Variants in PBX1 observed in about 807,000 individuals in gnomAD.
The protein encoded by PBX1 is pre-B-cell leukemia transcription factor 1.
A neutral mutation model predicts 53.4 loss-of-function variants in PBX1; 6 were observed. The observed-to-expected ratio is 0.11, with a 90% CI of 0.06 to 0.22. The LOEUF is 0.22. Ranked by LOEUF, PBX1 falls within the 10% of genes least tolerant of loss-of-function variation. PBX1 has a pLI of 1.00. For missense variants in PBX1, 251 were observed against 551.4 expected (o/e 0.46, Z 5.46); for synonymous variants, 204 against 212.3 (o/e 0.96, Z 0.34).
chr1:164,777,584 C>T (rs1667733571), intron 2 of PBX1, among the ~76,000 whole-genome samples: 1 of 152,202 alleles, frequency 6.6e-6, no homozygotes, highest in Non-Finnish European at 1.5e-5. Context: ...GCCACTGTCA[C>T]AGGACTACAG....
intron 2 of PBX1, among the ~76,000 whole-genome samples, chr1:164,602,107 T>A (rs184110625): frequency 1.3e-5 from 2 of 152,374 alleles, no homozygotes; most frequent in East Asian, 3.9e-4. Context: ...CCAGGACTCC[T>A]GTGTTTTGGC....
intron 8 of PBX1, among the ~76,000 whole-genome samples, chr1:164,844,377 T>TCTGTCTACCTAC (rs1254840678): frequency 6.6e-6 from 1 of 152,078 alleles, no homozygotes; most frequent in Non-Finnish European, 1.5e-5. Flanking sequence ...TGCCTGCCTG[T>TCTGTCTACCTAC]CTGTCTACCT....
At chr1:164,595,944 A>T in intron 2 of PBX1, among the ~76,000 whole-genome samples, 1 of 152,158 alleles carries the variant, frequency 6.6e-6, no homozygotes, top group Non-Finnish European at 1.5e-5. Flanking sequence ...TCAATATGGT[A>T]CTCTGAACAC....
chr1:164,573,063 T>G (rs898432902), intron 2 of PBX1, among the ~76,000 whole-genome samples: 4 of 152,164 alleles, frequency 2.6e-5, no homozygotes, highest in African/African-American at 9.7e-5. Context: ...TGCTTTTCAG[T>G]GAACACCTGT....
intron 4 of PBX1, 143 bp from the exon 5 acceptor site, chr1:164,807,399 C>T (rs17392181): frequency 0.015 from 14,481 of 937,798 alleles, 162 homozygotes; most frequent in Non-Finnish European, 0.019. Flanking sequence ...TTGGTTTTGG[C>T]ATCCAGCCCC....
At chr1:164,648,282 A>G (rs1294582429) in intron 2 of PBX1, among the ~76,000 whole-genome samples, 1 of 152,170 alleles carries the variant, frequency 6.6e-6, no homozygotes, top group Non-Finnish European at 1.5e-5. Context: ...GAAACTTAAA[A>G]CTGTACTTTG....
intron 2 of PBX1, among the ~76,000 whole-genome samples, chr1:164,741,762 GTGTGTGTGT>G (rs1390451930): frequency 2.0e-5 from 3 of 151,654 alleles, no homozygotes; most frequent in Non-Finnish European, 2.9e-5. Context: ...GTGTGTGTGT[GTGTGTGTGT>G]GTGTTGCTTG....
intron 2 of PBX1, among the ~76,000 whole-genome samples, chr1:164,762,955 TATA>T (rs1177889622): frequency 1.3e-5 from 2 of 152,236 alleles, no homozygotes; most frequent in East Asian, 3.8e-4. Flanking sequence ...CTAATATTGG[TATA>T]ATAATTTCCA....
chr1:164,705,076 G>C (rs997972383), intron 2 of PBX1, among the ~76,000 whole-genome samples: 4 of 152,040 alleles, frequency 2.6e-5, no homozygotes, highest in Non-Finnish European at 5.9e-5. Flanking sequence ...ACTTTTTGAG[G>C]CCAGATGATC....
In PBX1 at chr1:164,850,623, G is replaced by A. The variant is rs1671789814; in HGVS notation, c.*3947G>A. The A allele has an allele frequency of 5.2e-6, 1 of 193,040 alleles. No individual in the cohort carries two copies. The highest frequency in any genetic ancestry group is 8.2e-5 in the East Asian group (1 of 12,254). The allele number at this position is 193,040 out of a possible 1,614,324, so 12.0% of individuals were successfully genotyped here. A position where few individuals can be genotyped will look rare whatever the true frequency, so the allele number is the denominator to read the frequency against. On this transcript the variant is annotated 3_prime_UTR_variant, in exon 9 of 9. Coordinates refer to ENST00000420696, the MANE Select transcript of PBX1 (RefSeq NM_002585.4). ...CAGAGGAGTAAGAACAAGTAGGCTT[G>A]TTCTTCTACTTTGCTTCAGAATTCA...
intron 3 of PBX1, among the ~76,000 whole-genome samples, chr1:164,797,521 T>A (rs1239257425): frequency 6.6e-6 from 1 of 152,152 alleles, no homozygotes; most frequent in Non-Finnish European, 1.5e-5. Flanking sequence ...AGATCTCGTG[T>A]TTATTTAGCA....
chr1:164,571,877 A>ATG (rs1261047841), intron 2 of PBX1, among the ~76,000 whole-genome samples: 2 of 55,576 alleles, frequency 3.6e-5, no homozygotes, highest in Non-Finnish European at 6.3e-5. Flanking sequence ...TACATTGTAT[A>ATG]TATATATATA....
At chr1:164,840,638 G>A (rs1455749141) in intron 8 of PBX1, among the ~76,000 whole-genome samples, 1 of 152,106 alleles carries the variant, frequency 6.6e-6, no homozygotes, top group Admixed American at 6.5e-5. Flanking sequence ...GCAACTGTCA[G>A]GTTCCAGTGT....
chr1:164,858,865 C>T (rs1431327520), intron 2 of PBX1, among the ~76,000 whole-genome samples: 4 of 152,186 alleles, frequency 2.6e-5, no homozygotes, highest in Non-Finnish European at 4.4e-5. Flanking sequence ...TGTCTTCATA[C>T]GTGCCGTGTA....
intron 2 of PBX1, among the ~76,000 whole-genome samples, chr1:164,616,503 TA>T (rs1191778351): frequency 1.3e-5 from 2 of 152,358 alleles, no homozygotes; most frequent in East Asian, 3.9e-4. Flanking sequence ...AATATACCAG[TA>T]AAATGAGTTT....
At chr1:164,748,304 C>A (rs1019007731) in intron 2 of PBX1, among the ~76,000 whole-genome samples, 5 of 152,126 alleles carry the variant, frequency 3.3e-5, no homozygotes, top group African/African-American at 1.2e-4. Context: ...ACTTTCCTCG[C>A]CTCACGTTTC....
At chr1:164,563,072 A>G (rs1215818436) in intron 1 of PBX1, 166 bp from the exon 2 acceptor site, 12 of 428,388 alleles carry the variant, frequency 2.8e-5, no homozygotes, top group Non-Finnish European at 4.6e-5. Context: ...TTCTTTTTCT[A>G]TGGCGGGACT....
intron 7 of PBX1, among the ~76,000 whole-genome samples, chr1:164,820,969 A>C (rs1241553050): frequency 6.6e-6 from 1 of 152,110 alleles, no homozygotes; most frequent in East Asian, 1.9e-4. Flanking sequence ...TCAGCGATTC[A>C]CCCCTTTCTT....
intron 2 of PBX1, among the ~76,000 whole-genome samples, chr1:164,743,155 CA>C (rs1665706044): frequency 6.6e-6 from 1 of 152,118 alleles, no homozygotes; most frequent in Admixed American, 6.5e-5. Flanking sequence ...TCCTTCCGTA[CA>C]AACACCCAGT....
Sources: allele counts gnomAD v4.1 joint callset (sites outside exome capture counted in the v4.1 genomes callset), GRCh38; gene constraint gnomAD v4.1.1; transcripts MANE v1.5; gene names NCBI Gene and HGNC (gene_info 2026-07-23, HGNC 2026-07-21).